Variants in ZNF608 observed in about 807,000 individuals in gnomAD.
ZNF608 encodes renal carcinoma antigen NY-REN-36.
A neutral mutation model predicts 109.0 loss-of-function variants in ZNF608; 12 were observed. The ratio of observed to expected loss-of-function variants is 0.11; its 90% CI spans 0.07 to 0.18. ZNF608 has a LOEUF of 0.18. Among genes scored for constraint, ZNF608 ranks in the 10% least tolerant of loss-of-function variants. ZNF608 has a pLI of 1.00. For missense variants in ZNF608, 1,707 were observed against 1,879.3 expected (o/e 0.91, Z 1.70); for synonymous variants, 732 against 717.4 (o/e 1.02, Z -0.33).
chr5:124,697,174 G>A (rs1430413225), intron 3 of ZNF608, among the ~76,000 whole-genome samples: 5 of 149,996 alleles, frequency 3.3e-5, no homozygotes, highest in Non-Finnish European at 5.9e-5. Context: ...AATAACGGTC[G>A]GAATAACGGC....
intron 2 of ZNF608, among the ~76,000 whole-genome samples, chr5:124,705,453 C>T (rs1441342848): frequency 2.6e-5 from 4 of 152,160 alleles, no homozygotes; most frequent in Non-Finnish European, 5.9e-5. Context: ...AGTGAAGACT[C>T]AGTGAGATAA....
intron 3 of ZNF608, among the ~76,000 whole-genome samples, chr5:124,685,503 A>G (rs751792811): frequency 6.6e-6 from 1 of 152,100 alleles, no homozygotes; most frequent in Non-Finnish European, 1.5e-5. Flanking sequence ...CAAGGAATGC[A>G]TGAAGTGACA....
At chr5:124,701,562 G>A (rs998590369) in intron 2 of ZNF608, among the ~76,000 whole-genome samples, 5 of 152,094 alleles carry the variant, frequency 3.3e-5, no homozygotes, top group African/African-American at 4.8e-5. Context: ...CTCAGCAGAC[G>A]TGAATGAAAC....
At position 124,720,902 on chromosome 5, in the gene ZNF608, CTA is replaced by C. The variant is rs1197322900; in HGVS notation, c.907-19635_907-19634del. On this transcript the variant is annotated intron_variant, in intron 2 of 9. Coordinates refer to ENST00000513986, the MANE Select transcript of ZNF608 (RefSeq NM_020747.3). ...CAACTTTCCCAAGGTCACACCTAAGCTATATGTTATAATAAACGCTTCTCTCT... is the reference window on the plus strand; with the variant it reads ...CAACTTTCCCAAGGTCACACCTAAGCTATGTTATAATAAACGCTTCTCTCT... Among the ~76,000 whole-genome samples, 9 of 144,190 alleles carry C rather than the reference CTA, an allele frequency of 6.2e-5. No individual in the cohort carries two copies. The East Asian group carries it at 1.7e-3, about 27-fold the overall frequency. 94.6% of individuals were successfully genotyped at this position (144,190 alleles called of 152,430 possible). A position where few individuals can be genotyped will look rare whatever the true frequency, so the allele number is the denominator to read the frequency against.
chr5:124,650,826 T>C (rs1750741956), intron 3 of ZNF608, among the ~76,000 whole-genome samples: 1 of 152,250 alleles, frequency 6.6e-6, no homozygotes, highest in Non-Finnish European at 1.5e-5. Context: ...GCTAGTTTGC[T>C]CACTTGCATT....
At chr5:124,643,478 A>C in intron 7 of ZNF608, 33 bp downstream of exon 7, 1 of 1,606,194 alleles carries the variant, frequency 6.2e-7, no homozygotes, top group East Asian at 2.2e-5. Flanking sequence ...CCCAAATCAC[A>C]GTACTTTTAA....
intron 3 of ZNF608, among the ~76,000 whole-genome samples, chr5:124,669,698 G>T (rs916467620): frequency 2.0e-5 from 3 of 151,152 alleles, no homozygotes; most frequent in African/African-American, 7.3e-5. Context: ...CCTGGAGGAT[G>T]GTATAGATGG....
At chr5:124,713,560 G>C (rs184699586) in intron 2 of ZNF608, among the ~76,000 whole-genome samples, 1 of 152,110 alleles carries the variant, frequency 6.6e-6, no homozygotes, top group Non-Finnish European at 1.5e-5. Context: ...AATTGTCATT[G>C]GATTTTAAAT....
In ZNF608 at chr5:124,647,081, A is replaced by G. The variant is rs146130870; in HGVS notation, c.3303T>C (p.Tyr1101=). The stretch of plus-strand genomic sequence containing the variant: ...CATAGTACTTCTCATACTGCTGTCT[A>G]TAGGCAGGGCTGGTGGCCATCAGAG... The part of the protein sequence containing the change: ...QKSLMATSPA[Y]RQQYEKYYED... The change falls in exon 5 of 10, where the codon TAT becomes TAC. Residue 1101 remains tyrosine (Y), a synonymous_variant. Coordinates refer to ENST00000513986, the MANE Select transcript of ZNF608 (RefSeq NM_020747.3). 21 of 1,614,078 alleles carry G rather than the reference A, an allele frequency of 1.3e-5. No individual in the cohort carries two copies. Among genetic ancestry groups the G allele is most frequent in the Non-Finnish European group, 1.7e-5 (20 of 1,180,000 alleles).
In ZNF608 at chr5:124,744,592, G is replaced by A; in HGVS notation, c.398C>T (p.Thr133Ile). The change falls in exon 2 of 10, where the codon ACT becomes ATT. Residue 133 changes from threonine (T) to isoleucine (I), a missense_variant. Coordinates refer to ENST00000513986, the MANE Select transcript of ZNF608 (RefSeq NM_020747.3). This position sits in a 1 kb window ranked among gnomAD's most constrained non-coding sequence, Gnocchi z 4.5. ...ALYGIPEISS[T>I]GKRQEVQGRP... The stretch of plus-strand genomic sequence containing the variant: ...CCCTTGGACTTCCTGCCTCTTGCCA[G>A]TGCTGCTGATCTCGGGAATCCCATA... 6.2e-7 allele frequency: 1 copy of A among 1,614,230 alleles called. No homozygotes were observed.
rs143560911 is a variant in ZNF608 at position 124,744,274 on chromosome 5, C to T, written c.716G>A (p.Gly239Glu). Residue 239 changes from glycine (G) to glutamate (E), a missense_variant, in exon 2 of 10, where the codon GGG becomes GAG. Transcript: ENST00000513986. This position sits in a 1 kb window ranked among gnomAD's most constrained non-coding sequence, Gnocchi z 4.5. ...APSGGHLYGF[G>E]AKSNGGGASP... Reference sequence around the variant, plus strand: ...CGCGCCACCTCCATTGCTCTTGGCCCCAAAGCCATAGAGGTGCCCCCCGGA... The same window carrying T: ...CGCGCCACCTCCATTGCTCTTGGCCTCAAAGCCATAGAGGTGCCCCCCGGA... 1 of 1,613,720 alleles carries T rather than the reference C, an allele frequency of 6.2e-7. No homozygotes were observed. The highest frequency in any genetic ancestry group is 8.5e-7 in the Non-Finnish European group (1 of 1,179,900).
chr5:124,746,235 A>C lies in ZNF608; in HGVS notation c.-224T>G, dbSNP rs1381014344. On this transcript the variant is annotated 5_prime_UTR_variant, in exon 1 of 10. Coordinates refer to ENST00000513986, the MANE Select transcript of ZNF608 (RefSeq NM_020747.3). ...CATTTTTTAATTAGGCCAGCAAATC[A>C]AAATGCCTTTCCCACTCCACTCGGC... 1 of 985,366 alleles carries C rather than the reference A, an allele frequency of 1.0e-6. No homozygotes were observed. Among genetic ancestry groups the C allele is most frequent in the Admixed American group, 6.1e-5 (1 of 16,266 alleles). 61.0% of individuals were successfully genotyped at this position (985,366 alleles called of 1,614,324 possible).
At chr5:124,696,329 A>C (rs906764863) in intron 3 of ZNF608, among the ~76,000 whole-genome samples, 3 of 152,224 alleles carry the variant, frequency 2.0e-5, no homozygotes, top group Admixed American at 6.5e-5. Context: ...ACAAGCATTC[A>C]TCCTCTCACA....
At position 124,736,249 on chromosome 5, in the gene ZNF608, AT is replaced by A. The variant is rs563580815; in HGVS notation, c.906+7834del. Among the ~76,000 whole-genome samples, 39 of 152,372 alleles carry A rather than the reference AT, an allele frequency of 2.6e-4. 1 individual carries two copies. The East Asian group carries it at 7.5e-3, about 29-fold the overall frequency. On this transcript the variant is annotated intron_variant, in intron 2 of 9. Coordinates refer to ENST00000513986, the MANE Select transcript of ZNF608 (RefSeq NM_020747.3). ...GTCATAAGCCTATAATAAAGCACAG[AT>A]TTGATAGCATTATCCATGTACTGTG...
At chr5:124,699,870 C>A (rs777936927) in intron 3 of ZNF608, among the ~76,000 whole-genome samples, 1 of 152,174 alleles carries the variant, frequency 6.6e-6, no homozygotes, top group African/African-American at 2.4e-5. Flanking sequence ...CCTCAATATT[C>A]CCCATCCACT....
At chr5:124,639,422 T>C (rs1223236837) in intron 8 of ZNF608, among the ~76,000 whole-genome samples, 1 of 152,222 alleles carries the variant, frequency 6.6e-6, no homozygotes, top group African/African-American at 2.4e-5. Context: ...GTTTTCTTAA[T>C]AGCTATTCGA....
intron 3 of ZNF608, among the ~76,000 whole-genome samples, chr5:124,670,897 T>C (rs1751687623): frequency 1.3e-5 from 2 of 152,226 alleles, no homozygotes; most frequent in Non-Finnish European, 1.5e-5. Flanking sequence ...TCAGTTATTC[T>C]TAGATAGAAA....
chr5:124,712,959 TG>T (rs1753558610), intron 2 of ZNF608, among the ~76,000 whole-genome samples: 1 of 152,214 alleles, frequency 6.6e-6, no homozygotes, highest in Non-Finnish European at 1.5e-5. Flanking sequence ...AATCTTTGTA[TG>T]TCACTGATGG....
At chr5:124,672,981 A>C (rs1751789832) in intron 3 of ZNF608, among the ~76,000 whole-genome samples, 1 of 152,220 alleles carries the variant, frequency 6.6e-6, no homozygotes, top group South Asian at 2.1e-4. Flanking sequence ...TCAAAGAAAC[A>C]GGAAAAAAGG....
Sources: gnomAD v4.1 joint callset for allele counts (sites outside exome capture counted in the v4.1 genomes callset) on GRCh38, gnomAD v4.1.1 for gene constraint, Gnocchi (gnomAD v3.1) non-coding constraint, MANE v1.5 for transcripts, NCBI Gene and HGNC (gene_info 2026-07-23, HGNC 2026-07-21) for gene names.